Variants in MKLN1 observed in about 807,000 individuals in gnomAD.
MKLN1 encodes muskelin.
Under a neutral mutation model 99.0 loss-of-function variants are expected in MKLN1, and 18 were observed. That is an observed-to-expected ratio of 0.18 (90% CI 0.13 to 0.27). The LOEUF is 0.27. MKLN1 is among the 10% of genes least tolerant of loss of function. MKLN1 has a pLI of 1.00. For synonymous variants in MKLN1, 288 were observed against 293.2 expected (o/e 0.98, Z 0.18); for missense variants, 621 against 875.9 (o/e 0.71, Z 3.67).
chr7:131,131,722 A>T (rs1448215682), intron 1 of MKLN1, among the ~76,000 whole-genome samples: 1 of 152,176 alleles, frequency 6.6e-6, no homozygotes, highest in Non-Finnish European at 1.5e-5. Flanking sequence ...GTTATGCTCA[A>T]ATTTTTTTAT....
intron 12 of MKLN1, among the ~76,000 whole-genome samples, chr7:131,462,920 GA>G (rs2116608354): frequency 6.6e-6 from 1 of 152,222 alleles, no homozygotes; most frequent in African/African-American, 2.4e-5. Flanking sequence ...CCAGGAGTTT[GA>G]GACCAGCCTG....
intron 3 of MKLN1, among the ~76,000 whole-genome samples, chr7:131,212,213 A>T (rs927005632): frequency 5.3e-5 from 8 of 152,210 alleles, no homozygotes; most frequent in African/African-American, 1.9e-4. Flanking sequence ...TCTCAGCTCT[A>T]TCCAGGACAC....
At chr7:131,128,916 T>C (rs1795506991) in intron 1 of MKLN1, among the ~76,000 whole-genome samples, 1 of 132,784 alleles carries the variant, frequency 7.5e-6, no homozygotes, top group African/African-American at 2.7e-5. Flanking sequence ...TTTTTTTTTT[T>C]TTGGTAGAGA....
intron 2 of MKLN1, among the ~76,000 whole-genome samples, chr7:131,159,504 AGAGCTAAAAATGTGGATCTCATGGAGGTG>A (rs1326828628): frequency 2.0e-5 from 3 of 152,166 alleles, no homozygotes; most frequent in African/African-American, 7.2e-5. Context: ...CTCATATCTG[AGAGCTAAAAATGTGGATCTCATGGAGGTG>A]GAGAGTAGGA....
chr7:131,237,497 G>A (rs1797341671), intron 3 of MKLN1, among the ~76,000 whole-genome samples: 1 of 152,184 alleles, frequency 6.6e-6, no homozygotes, highest in Non-Finnish European at 1.5e-5. Context: ...CAGAGGAAAG[G>A]AGATAGAAGA....
chr7:131,298,944 G>A (rs547012064), intron 3 of MKLN1, among the ~76,000 whole-genome samples: 2 of 152,284 alleles, frequency 1.3e-5, no homozygotes, highest in East Asian at 3.9e-4. Flanking sequence ...TTGGGAGGCC[G>A]AGGTAGGAGG....
intron 3 of MKLN1, among the ~76,000 whole-genome samples, chr7:131,274,534 T>C (rs1797931918): frequency 6.7e-6 from 1 of 149,634 alleles, no homozygotes; most frequent in South Asian, 2.1e-4. Flanking sequence ...TCCCAGCTAC[T>C]GGGTAGGCTG....
At chr7:131,403,151 A>G (rs183337296) in intron 6 of MKLN1, among the ~76,000 whole-genome samples, 17 of 152,316 alleles carry the variant, frequency 1.1e-4, no homozygotes, top group Non-Finnish European at 1.8e-4. Context: ...TGATCTTAGC[A>G]AGATCTTCTA....
At chr7:131,405,371 C>T (rs1000292022) in intron 6 of MKLN1, among the ~76,000 whole-genome samples, 1 of 151,398 alleles carries the variant, frequency 6.6e-6, no homozygotes, top group African/African-American at 2.4e-5. Context: ...ATTTTTCCAT[C>T]AGCACATGTT....
intron 2 of MKLN1, among the ~76,000 whole-genome samples, chr7:131,200,381 C>T (rs1244400132): frequency 6.6e-6 from 1 of 152,144 alleles, no homozygotes; most frequent in East Asian, 1.9e-4. Context: ...TCAAAGAAAA[C>T]TTTGGTCCTT....
Position 131,192,204 on chromosome 7 carries a change from AATAT to A in MKLN1, c.-296-10649_-296-10646del, listed in dbSNP as rs1384573502. On this transcript the variant is annotated intron_variant, in intron 2 of 7. Transcript: ENST00000416992. ...AAAATATATAAAATATAATATATAC[AATAT>A]ATAAATATATAAAATATATACAATA... Among the ~76,000 whole-genome samples, 3 of 67,822 alleles carry A rather than the reference AATAT, an allele frequency of 4.4e-5. No individual in the cohort carries two copies. In the South Asian group the frequency reaches 1.4e-3, roughly 31 times the overall value. The allele number at this position is 67,822 out of a possible 152,430, so 44.5% of individuals were successfully genotyped here.
chr7:131,262,841 C>T (rs541876690), intron 3 of MKLN1, among the ~76,000 whole-genome samples: 6 of 152,252 alleles, frequency 3.9e-5, no homozygotes, highest in African/African-American at 1.2e-4. Flanking sequence ...CCACCACCCC[C>T]AGCCTGGTTA....
chr7:131,120,064 G>T (rs147912702), intron 1 of MKLN1, among the ~76,000 whole-genome samples: 8 of 151,682 alleles, frequency 5.3e-5, no homozygotes, highest in African/African-American at 1.9e-4. Flanking sequence ...CCAGCTACTC[G>T]GGAGGCTGAG....
intron 9 of MKLN1, among the ~76,000 whole-genome samples, chr7:131,433,682 T>C (rs947626803): frequency 8.5e-5 from 13 of 152,230 alleles, no homozygotes; most frequent in African/African-American, 3.1e-4. Context: ...TTGTACTCTG[T>C]TCTGTTCTAT....
rs542201766 is a variant in MKLN1, at chr7:131,248,491, CGTGCTAA to C, written c.-179+45523_-179+45529del. Among the ~76,000 whole-genome samples the C allele has an allele frequency of 3.3e-3, 502 of 152,270 alleles. 12 individuals are homozygous for C. Among genetic ancestry groups the C allele is most frequent in the Admixed American group, 0.029 (449 of 15,294 alleles). On this transcript the variant is annotated intron_variant, in intron 3 of 7. Coordinates refer to the MKLN1 transcript ENST00000416992. ...TGACTCTCATCCATTTGCCAAGCACCGTGCTAAGTGCTTTCACATACATTTTCTCATT... is the reference window on the plus strand; with the variant it reads ...TGACTCTCATCCATTTGCCAAGCACCGTGCTTTCACATACATTTTCTCATT...
chr7:131,444,703 C>A (rs1226617857), intron 11 of MKLN1, among the ~76,000 whole-genome samples: 1 of 149,594 alleles, frequency 6.7e-6, no homozygotes, highest in Non-Finnish European at 1.5e-5. Flanking sequence ...GTGTGTACCA[C>A]CACACCTGGG....
intron 2 of MKLN1, among the ~76,000 whole-genome samples, chr7:131,189,846 G>C (rs1796508657): frequency 6.6e-6 from 1 of 152,134 alleles, no homozygotes; most frequent in African/African-American, 2.4e-5. Flanking sequence ...ATGTTATTGA[G>C]GAGGTGGAAA....
chr7:131,417,177 C>G (rs1795044509), intron 8 of MKLN1, among the ~76,000 whole-genome samples: 1 of 151,874 alleles, frequency 6.6e-6, no homozygotes, highest in Non-Finnish European at 1.5e-5. Flanking sequence ...TGAAGGTGTA[C>G]AAAGAAAAAT....
chr7:131,359,890 C>T (rs952585493), intron 1 of MKLN1, among the ~76,000 whole-genome samples: 17 of 152,004 alleles, frequency 1.1e-4, no homozygotes, highest in African/African-American at 3.6e-4. Flanking sequence ...TGCACCACCA[C>T]GCCTAGCTAA....
Sources: gnomAD v4.1 joint callset for allele counts (sites outside exome capture counted in the v4.1 genomes callset) on GRCh38, gnomAD v4.1.1 for gene constraint, MANE v1.5 for transcripts, NCBI Gene and HGNC (gene_info 2026-07-23, HGNC 2026-07-21) for gene names.